The following SAMD3 variants were observed in gnomAD, a reference collection of about 807,000 sequenced individuals.
SAMD3 encodes the protein sterile alpha motif domain containing 3, also known as sterile alpha motif domain-containing protein 3.
SAMD3 carries 63 observed loss-of-function variants against 58.5 expected under a neutral mutation model. The ratio of observed to expected loss-of-function variants is 1.08; its 90% CI spans 0.88 to 1.33. SAMD3 has a LOEUF of 1.33. Among genes scored for constraint, SAMD3 ranks in the 40% most tolerant of loss-of-function variants. The probability of loss-of-function intolerance (pLI) is 0.00; values close to 1 mark genes in which losing one functional copy is unlikely to be tolerated. For missense variants in SAMD3, 604 were observed against 608.4 expected (o/e 0.99, Z 0.08); for synonymous variants, 220 against 210.3 (o/e 1.05, Z -0.40).
intron 5 of SAMD3, among the ~76,000 whole-genome samples, chr6:130,192,830 C>A (rs1424424690): frequency 6.6e-6 from 1 of 152,178 alleles, no homozygotes; most frequent in Non-Finnish European, 1.5e-5. Context: ...CCAACCAGCC[C>A]AAGAAACATC....
intron 1 of SAMD3, among the ~76,000 whole-genome samples, chr6:130,322,905 A>C (rs1413031200): frequency 6.6e-6 from 1 of 152,190 alleles, no homozygotes; most frequent in Non-Finnish European, 1.5e-5. Context: ...TTAACAGAAA[A>C]TGGAATAGGC....
intron 2 of SAMD3, among the ~76,000 whole-genome samples, chr6:130,234,392 TAAAG>T (rs1796625506): frequency 6.6e-6 from 1 of 152,184 alleles, no homozygotes; most frequent in Admixed American, 6.5e-5. Context: ...AGAGATTTCT[TAAAG>T]AAACTTAATG....
chr6:130,309,618 C>G lies in SAMD3; in HGVS notation c.-188+3360G>C, dbSNP rs867603602. ...AGTCAAAGCGCATCTAGCCACCAAG[C>G]AGTGGAATTGAAAACAGCAAAAAGC... On this transcript the variant is annotated intron_variant, in intron 2 of 13. Coordinates refer to the SAMD3 transcript ENST00000368134. Among the ~76,000 whole-genome samples, 3 of 152,290 alleles carry G rather than the reference C, an allele frequency of 2.0e-5. No homozygotes were observed. The South Asian group carries it at 6.2e-4, about 32-fold the overall frequency.
In SAMD3 at chr6:130,217,955, C is replaced by T. The variant is rs190085462; in HGVS notation, c.-67-1339G>A. Among the ~76,000 whole-genome samples, 90 of 152,086 alleles carry T rather than the reference C, an allele frequency of 5.9e-4. No individual in the cohort carries two copies. In the East Asian group the frequency reaches 0.015, roughly 25 times the overall value. ...TATCACAAATCAGTTCCAGGCCTGG[C>T]GTGTAAAAAAGAAGGAAAATTGAGG... On this transcript the variant is annotated intron_variant, in intron 1 of 11. Coordinates refer to ENST00000439090, the MANE Select transcript of SAMD3 (RefSeq NM_001017373.4).
chr6:130,220,148 C>T (rs1005781118), intron 1 of SAMD3, among the ~76,000 whole-genome samples: 5 of 152,042 alleles, frequency 3.3e-5, no homozygotes, highest in African/African-American at 9.7e-5. Context: ...ATTACAGACG[C>T]GTGCCACCAT....
chr6:130,264,752 C>T (rs1774276081), intron 2 of SAMD3, among the ~76,000 whole-genome samples: 1 of 152,132 alleles, frequency 6.6e-6, no homozygotes, highest in African/African-American at 2.4e-5. Context: ...ACATCTATTA[C>T]AACCAACAGC....
At chr6:130,191,234 G>A (rs1793513615) in intron 5 of SAMD3, among the ~76,000 whole-genome samples, 1 of 152,064 alleles carries the variant, frequency 6.6e-6, no homozygotes, top group Non-Finnish European at 1.5e-5. Context: ...AGTTTACTAT[G>A]TCAGTCTCTT....
chr6:130,267,392 C>T (rs1043235031), intron 2 of SAMD3, among the ~76,000 whole-genome samples: 1 of 152,144 alleles, frequency 6.6e-6, no homozygotes, highest in Non-Finnish European at 1.5e-5. Flanking sequence ...AATGCTTCAG[C>T]ACAAGTGTAC....
chr6:130,223,615 G>A (rs1796298989), upstream of SAMD3, among the ~76,000 whole-genome samples: 1 of 152,188 alleles, frequency 6.6e-6, no homozygotes. Context: ...GGAAGAAGGG[G>A]ATGCAAGGTA....
rs760840229 is a variant in SAMD3, at chr6:130,175,991, G to T, written c.672C>A (p.Ala224=). ...GAACATATTTAAAGCGATCTTTGAGGGCTCGTTTCCATAAAAACTGTAAAA... is the reference window on the plus strand; with the variant it reads ...GAACATATTTAAAGCGATCTTTGAGTGCTCGTTTCCATAAAAACTGTAAAA... ...DGCGFFLWKR[A]LKDRFKYVRR... is the part of the protein sequence containing the mutation. Residue 224 remains alanine, a synonymous_variant, in exon 8 of 12, where the codon GCC becomes GCA. Coordinates refer to ENST00000439090, the MANE Select transcript of SAMD3 (RefSeq NM_001017373.4). The T allele has an allele frequency of 3.7e-5, 59 of 1,611,878 alleles. No individual in the cohort carries two copies. Among genetic ancestry groups the T allele is most frequent in the Non-Finnish European group, 4.8e-5 (57 of 1,179,170 alleles).
At chr6:130,178,182 G>A (rs932878167) in intron 7 of SAMD3, among the ~76,000 whole-genome samples, 11 of 150,980 alleles carry the variant, frequency 7.3e-5, no homozygotes, top group African/African-American at 2.5e-4. Flanking sequence ...CTCCATGTTA[G>A]TCAGGCTGGA....
chr6:130,175,191 A>C (rs1791606841), intron 8 of SAMD3, among the ~76,000 whole-genome samples: 1 of 152,338 alleles, frequency 6.6e-6, no homozygotes, highest in African/African-American at 2.4e-5. Flanking sequence ...CTACTTTGAT[A>C]GCAGGGGAAA....
At chr6:130,302,124 TAAAC>T (rs935726908) in intron 2 of SAMD3, among the ~76,000 whole-genome samples, 2 of 151,820 alleles carry the variant, frequency 1.3e-5, no homozygotes, top group African/African-American at 2.4e-5. Flanking sequence ...CAGCAAACAA[TAAAC>T]AAACAAACAC....
At chr6:130,221,391 G>A (rs1188123560) in intron 1 of SAMD3, 1 of 152,472 alleles carries the variant, frequency 6.6e-6, no homozygotes, top group Non-Finnish European at 1.5e-5. Flanking sequence ...ACCCTTGAAC[G>A]ACACAGGGGT....
At chr6:130,333,504 A>G (rs1388028978) in intron 1 of SAMD3, among the ~76,000 whole-genome samples, 1 of 152,212 alleles carries the variant, frequency 6.6e-6, no homozygotes, top group Non-Finnish European at 1.5e-5. Flanking sequence ...TGATTGCTTC[A>G]TGACTGACTA....
At chr6:130,221,147 C>T (rs543646567) in intron 1 of SAMD3, among the ~76,000 whole-genome samples, 1 of 152,228 alleles carries the variant, frequency 6.6e-6, no homozygotes, top group East Asian at 1.9e-4. Flanking sequence ...AGCCACCACG[C>T]CCAGCCAGTG....
At chr6:130,236,384 C>CTTTTT (rs777968481) in intron 2 of SAMD3, among the ~76,000 whole-genome samples, 9 of 139,818 alleles carry the variant, frequency 6.4e-5, no homozygotes, top group African/African-American at 2.4e-4. Context: ...AAATGATTGA[C>CTTTTT]TTTTTTTTTT....
intron 1 of SAMD3, among the ~76,000 whole-genome samples, chr6:130,325,397 T>C (rs1776724541): frequency 6.6e-6 from 1 of 152,146 alleles, no homozygotes; most frequent in African/African-American, 2.4e-5. Context: ...GGGCAGGAGA[T>C]GGTGGTGTCC....
intron 1 of SAMD3, among the ~76,000 whole-genome samples, chr6:130,344,288 G>A (rs949907851): frequency 3.9e-5 from 6 of 152,088 alleles, no homozygotes; most frequent in Non-Finnish European, 5.9e-5. Context: ...TTGCCCATTG[G>A]CAAAATCCTG....
Sources: gnomAD v4.1 joint callset for allele counts (sites outside exome capture counted in the v4.1 genomes callset) on GRCh38, gnomAD v4.1.1 for gene constraint, MANE v1.5 for transcripts, NCBI Gene and HGNC (gene_info 2026-07-23, HGNC 2026-07-21) for gene names.